LTAP1: variants seen among roughly 807,000 people sequenced by gnomAD.
LTAP1 encodes the protein HCV NS5A-transactivated protein 4.
At chr1:154,214,612 T>C in the LTAP1 span, 79 of 1,332,588 alleles carry the variant, frequency 5.9e-5, no homozygotes, top group Non-Finnish European at 7.9e-5. Context: ...TCATTTACCC[T>C]GCACTCTGCT....
chr1:154,220,352 T>C, the LTAP1 span: 4 of 1,614,192 alleles, frequency 2.5e-6, no homozygotes, highest in Middle Eastern at 1.7e-4. Context: ...CAGGCTCCCG[T>C]AGGCCATCAC....
the LTAP1 span, chr1:154,219,804 A>T: frequency 6.9e-7 from 1 of 1,446,670 alleles, no homozygotes; most frequent in African/African-American, 1.4e-5. Context: ...AGATCTGGAG[A>T]AGTATGTTTA....
At chr1:154,207,414 C>T in the LTAP1 span, 1 of 1,602,400 alleles carries the variant, frequency 6.2e-7, no homozygotes, top group Non-Finnish European at 8.5e-7. Context: ...CACATTGCAA[C>T]TGACTGGCTT....
the LTAP1 span, among the ~76,000 whole-genome samples, chr1:154,219,648 C>T: frequency 6.6e-6 from 1 of 152,222 alleles, no homozygotes; most frequent in South Asian, 2.1e-4. Flanking sequence ...GAGCCACATG[C>T]TTGCCACAGC....
At chr1:154,207,631 C>A in the LTAP1 span, 1 of 1,607,220 alleles carries the variant, frequency 6.2e-7, no homozygotes, top group East Asian at 2.2e-5. Context: ...CTGAGAGCTC[C>A]CAATTCGTGC....
chr1:154,207,285 G>A, the LTAP1 span: 3 of 616,580 alleles, frequency 4.9e-6, no homozygotes, highest in Admixed American at 8.7e-5. Flanking sequence ...GAAGGGTTGG[G>A]GAATTACCCT....
chr1:154,214,985 T>C, the LTAP1 span, among the ~76,000 whole-genome samples: 134 of 151,966 alleles, frequency 8.8e-4, no homozygotes, highest in African/African-American at 2.6e-3. Context: ...GCTGGGATTA[T>C]AGGCGCGTAC....
the LTAP1 span, among the ~76,000 whole-genome samples, chr1:154,218,839 G>A: frequency 7.9e-5 from 12 of 152,162 alleles, no homozygotes; most frequent in African/African-American, 2.9e-4. Flanking sequence ...AAAAATTATG[G>A]TAAATGCTAT....
the LTAP1 span, chr1:154,212,352 G>C: frequency 1.9e-6 from 3 of 1,614,146 alleles, no homozygotes; most frequent in East Asian, 2.2e-5. Context: ...CCTCCTGATA[G>C]CGTAGGTACT....
chr1:154,207,739 C>T, the LTAP1 span: 1 of 1,065,742 alleles, frequency 9.4e-7, no homozygotes, highest in Non-Finnish European at 1.4e-6. Context: ...GCAATAGTCA[C>T]AAATAGTTAT....
chr1:154,213,902 G>T, the LTAP1 span: 2 of 1,612,910 alleles, frequency 1.2e-6, no homozygotes, highest in Middle Eastern at 1.7e-4. Context: ...CCAGAGGTAC[G>T]AATGGCATCC....
the LTAP1 span, chr1:154,207,702 C>A: frequency 7.1e-7 from 1 of 1,408,344 alleles, no homozygotes; most frequent in South Asian, 1.4e-5. Context: ...TCAAAGAAAT[C>A]AGGGCTTATC....
chr1:154,207,386 G>A, the LTAP1 span: 15 of 1,515,080 alleles, frequency 9.9e-6, no homozygotes, highest in East Asian at 6.8e-5. Flanking sequence ...AGGGCGGCCC[G>A]GCAAGCAGCC....
the LTAP1 span, among the ~76,000 whole-genome samples, chr1:154,216,586 A>G: frequency 6.6e-6 from 1 of 150,946 alleles, no homozygotes; most frequent in Non-Finnish European, 1.5e-5. Flanking sequence ...GCTCATTGCA[A>G]CCTCTGCCTG....
chr1:154,215,319 C>T, the LTAP1 span, among the ~76,000 whole-genome samples: 3 of 152,208 alleles, frequency 2.0e-5, no homozygotes, highest in Non-Finnish European at 1.5e-5. Flanking sequence ...GTAATCCCAA[C>T]ACTTTGGGAG....
chr1:154,214,457 T>C, the LTAP1 span: 1 of 1,604,528 alleles, frequency 6.2e-7, no homozygotes, highest in Non-Finnish European at 8.5e-7. Flanking sequence ...TGCCACATAC[T>C]TTGATTTCCC....
chr1:154,214,506 A>C, the LTAP1 span: 6 of 1,614,112 alleles, frequency 3.7e-6, no homozygotes, highest in South Asian at 3.3e-5. Context: ...CATCATCTGC[A>C]AGGAGCTGGG....
chr1:154,214,844 ATTTTTT>A, the LTAP1 span, among the ~76,000 whole-genome samples: 1 of 140,346 alleles, frequency 7.1e-6, no homozygotes, highest in African/African-American at 2.6e-5. Flanking sequence ...ATTATTTCCA[ATTTTTT>A]TTTTTTTTTT....
the LTAP1 span, chr1:154,219,987 G>GTTTT: frequency 4.1e-6 from 5 of 1,207,684 alleles, no homozygotes; most frequent in Non-Finnish European, 4.6e-6. Context: ...GTTTTGTTTT[G>GTTTT]TTTTTTTTTT....
Sources: allele counts gnomAD v4.1 joint callset (sites outside exome capture counted in the v4.1 genomes callset), GRCh38; gene constraint gnomAD v4.1.1; transcripts MANE v1.5; gene names NCBI Gene and HGNC (gene_info 2026-07-23, HGNC 2026-07-21).